The following TREH variants were observed in gnomAD, a reference collection of about 807,000 sequenced individuals.
TREH encodes the protein alpha,alpha-trehalose glucohydrolase.
A neutral mutation model predicts 80.5 loss-of-function variants in TREH; 69 were observed. That is an observed-to-expected ratio of 0.86 (90% CI 0.71 to 1.05). TREH has a LOEUF of 1.05. TREH is among the 50% of genes least tolerant of loss of function. TREH has a pLI of 0.00. For missense variants in TREH, 716 were observed against 718.8 expected, an observed-to-expected ratio of 1.00 and a Z score of 0.04; for synonymous variants, 309 against 293.5, an observed-to-expected ratio of 1.05 and a Z score of -0.54.
intron 8 of TREH, 85 bp from the exon 9 acceptor site, chr11:118,661,000 C>T: frequency 1.3e-6 from 2 of 1,545,908 alleles, no homozygotes; most frequent in Non-Finnish European, 1.8e-6. Flanking sequence ...CATCTTGATC[C>T]AGCTGCCCTT....
In TREH at chr11:118,667,402, G is replaced by A. The variant is rs151170621; in HGVS notation, c.90-3963C>T. ...TCAATATGTTGCCCAGGCTGGTCTT[G>A]AACTCCTGGGTTCAAGTGATCCTCC... On this transcript the variant is annotated intron_variant, in intron 1 of 14. Transcript: ENST00000264029. Among the ~76,000 whole-genome samples, 588 of 151,916 alleles carry A rather than the reference G, an allele frequency of 3.9e-3. 6 individuals are homozygous for A. Among genetic ancestry groups the A allele is most frequent in the African/African-American group, 0.014 (560 of 41,416 alleles).
chr11:118,670,442 T>C (rs1555146153), intron 1 of TREH, among the ~76,000 whole-genome samples: 2 of 152,338 alleles, frequency 1.3e-5, no homozygotes, highest in Non-Finnish European at 1.5e-5. Context: ...GCATTTGGGA[T>C]AGCATTTTTA....
chr11:118,666,321 G>A (rs1051124806), intron 1 of TREH, among the ~76,000 whole-genome samples: 2 of 152,170 alleles, frequency 1.3e-5, no homozygotes, highest in South Asian at 4.1e-4. Context: ...ATACAATGAG[G>A]GGAATCCAAT....
intron 11 of TREH, 40 bp from the exon 12 acceptor site, chr11:118,659,521 T>TGGACTGGGAGCCA (rs781917462): frequency 4.0e-6 from 6 of 1,502,142 alleles, no homozygotes; most frequent in South Asian, 1.3e-5. Flanking sequence ...TGGGTGGGGC[T>TGGACTGGGAGCCA]GGACTGGGAG....
intron 1 of TREH, among the ~76,000 whole-genome samples, chr11:118,677,501 G>A (rs1403342567): frequency 2.0e-5 from 3 of 152,162 alleles, no homozygotes; most frequent in Non-Finnish European, 4.4e-5. Flanking sequence ...TGAGGCAGGC[G>A]GATCACAAGG....
chr11:118,663,182 T>C lies in TREH; in HGVS notation c.205A>G (p.Thr69Ala), dbSNP rs1949344289. ...LSIAPEQVLQ[T>A]FTELSRDHNH... ...TGGTCCCTGGACAGCTCAGTGAAGG[T>C]CTGCAGGACTTGTTCTGGAGAGCAG... is the stretch of plus-strand genomic sequence containing the variant. Residue 69 changes from threonine to alanine, a missense_variant, in exon 3 of 15, where the codon ACC becomes GCC. Physicochemically the swap from Thr to Ala is moderately conservative, Grantham distance 58. Transcript: ENST00000264029. 6.2e-7 allele frequency: 1 copy of C among 1,610,980 alleles called. No homozygotes were observed. Among genetic ancestry groups the C allele is most frequent in the Admixed American group, 1.7e-5 (1 of 59,376 alleles).
At chr11:118,658,539 C>T in intron 14 of TREH, 98 bp from the exon 15 acceptor site, 6 of 1,526,136 alleles carry the variant, frequency 3.9e-6, no homozygotes, top group Non-Finnish European at 4.4e-6. Flanking sequence ...CCCTGCCTAA[C>T]CCCAGCGGTA....
rs782820882 is a variant in TREH at position 118,677,669 on chromosome 11, G to A, written c.89+1870C>T. 3.1e-4 allele frequency among the ~76,000 whole-genome samples: 47 copies of A among 152,282 alleles called. 1 individual carries two copies. Among genetic ancestry groups the A allele is most frequent in the Middle Eastern group, 6.8e-3 (2 of 294 alleles). Reference sequence around the variant, plus strand: ...GAACCCAGAAGGTGGAGGTTGCAGCGAGCCGAGATTGCACCACTGCACTCC... The same window carrying A: ...GAACCCAGAAGGTGGAGGTTGCAGCAAGCCGAGATTGCACCACTGCACTCC... On this transcript the variant is annotated intron_variant, in intron 1 of 14. Coordinates refer to ENST00000264029, the MANE Select transcript of TREH (RefSeq NM_007180.3).
At position 118,661,578 on chromosome 11, in the gene TREH, G is replaced by A. The variant is rs1199568513; in HGVS notation, c.617+59C>T. 8 of 1,612,826 alleles carry A rather than the reference G, an allele frequency of 5.0e-6. No individual in the cohort carries two copies. Among genetic ancestry groups the A allele is most frequent in the African/African-American group, 1.3e-5 (1 of 74,948 alleles). ...TGGCACCAAGGCAATCCAGCTGCAT[G>A]CCCGTGGCACACCTGCCTCTCCTCC... is the stretch of plus-strand genomic sequence containing the variant. On this transcript the variant is annotated intron_variant, in intron 6 of 14. Coordinates refer to ENST00000264029, the MANE Select transcript of TREH (RefSeq NM_007180.3). The surrounding 1 kb of genome is among the most constrained non-coding windows in gnomAD (Gnocchi z 4.2).
At position 118,659,473 on chromosome 11, in the gene TREH, C is replaced by A. The variant is rs369679930; in HGVS notation, c.1329G>T (p.Arg443=). Residue 443 remains arginine, a synonymous_variant, in exon 12 of 15, where the codon CGG becomes CGT. Transcript: ENST00000264029. ...DKALKYLEDN[R]ILTYQYGIPT... ...GGATCCCATACTGGTAAGTCAGGAT[C>A]CGGTTGTCCTAGAAGGTCCCAGACA... 1.3e-6 allele frequency: 2 copies of A among 1,594,262 alleles called. No individual in the cohort carries two copies. Among genetic ancestry groups the A allele is most frequent in the South Asian group, 2.3e-5 (2 of 87,948 alleles).
Position 118,658,380 on chromosome 11 carries a change from A to T in TREH, c.1661T>A (p.Leu554Gln). The T allele has an allele frequency of 6.2e-7, 1 of 1,609,396 alleles. No homozygotes were observed. Among genetic ancestry groups the T allele is most frequent in the Non-Finnish European group, 8.5e-7 (1 of 1,178,558 alleles). The change falls in exon 15 of 15, where the codon CTG (leucine) becomes CAG (glutamine). Residue 554 changes from leucine to glutamine, a missense_variant. Coordinates refer to ENST00000264029, the MANE Select transcript of TREH (RefSeq NM_007180.3). ...GAAAGCCAGCTTGGCCCCTGAGGTC[A>T]GCCGGTCACCATAGCGGTCCAGCAG... ...LMLLDRYGDRLTSGAKLAFLE... is the reference protein window; with the variant it reads ...LMLLDRYGDRQTSGAKLAFLE...
chr11:118,662,860 G>T (rs782717360), intron 4 of TREH, 21 bp downstream of exon 4: 26 of 1,559,700 alleles, frequency 1.7e-5, no homozygotes, highest in Non-Finnish European at 2.1e-5. Context: ...CAGGCCTTGG[G>T]CAGGCCCAGG....
rs1555145035 is a variant in TREH, at chr11:118,661,761, C to T, written c.525-32G>A. 6.2e-7 allele frequency: 1 copy of T among 1,608,628 alleles called. No homozygotes were observed. The highest frequency in any genetic ancestry group is 8.5e-7 in the Non-Finnish European group (1 of 1,175,478). On this transcript the variant is annotated intron_variant, in intron 5 of 14. Coordinates refer to ENST00000264029, the MANE Select transcript of TREH (RefSeq NM_007180.3). The surrounding 1 kb of genome is among the most constrained non-coding windows in gnomAD (Gnocchi z 4.2). ...AAGGGGCAGCTTAGGCACCACCCTG[C>T]TGCCTCCCTCTGCCCTGCACACCAG...
At chr11:118,660,804 C>A in intron 9 of TREH, 62 bp downstream of exon 9, 1 of 1,548,106 alleles carries the variant, frequency 6.5e-7, no homozygotes, top group Non-Finnish European at 8.7e-7. Context: ...GAGACCAGAG[C>A]CTGACACAGC....
At chr11:118,669,376 G>A (rs1949410380) in intron 1 of TREH, among the ~76,000 whole-genome samples, 1 of 152,220 alleles carries the variant, frequency 6.6e-6, no homozygotes, top group Non-Finnish European at 1.5e-5. Context: ...TCAATGTATT[G>A]AAGAGATATC....
At chr11:118,676,788 A>G (rs1949484724) in intron 1 of TREH, among the ~76,000 whole-genome samples, 1 of 152,070 alleles carries the variant, frequency 6.6e-6, no homozygotes, top group African/African-American at 2.4e-5. Flanking sequence ...AAAGAAAGAA[A>G]AAAACAACAA....
chr11:118,670,496 T>A (rs1246163710), intron 1 of TREH, among the ~76,000 whole-genome samples: 4 of 152,342 alleles, frequency 2.6e-5, no homozygotes, highest in African/African-American at 9.6e-5. Flanking sequence ...GCCGAAAATT[T>A]AGAGGAGCTA....
chr11:118,675,461 C>T (rs944676459), intron 1 of TREH, among the ~76,000 whole-genome samples: 2 of 152,140 alleles, frequency 1.3e-5, no homozygotes, highest in African/African-American at 4.8e-5. Flanking sequence ...GTTCCCATAA[C>T]CCTTTCAGAT....
At chr11:118,669,013 C>G (rs1949406765) in intron 1 of TREH, among the ~76,000 whole-genome samples, 1 of 152,054 alleles carries the variant, frequency 6.6e-6, no homozygotes, top group Non-Finnish European at 1.5e-5. Flanking sequence ...AGACATTACT[C>G]AAAAGCAGAC....
Sources: gnomAD v4.1 joint callset for allele counts (sites outside exome capture counted in the v4.1 genomes callset) on GRCh38, gnomAD v4.1.1 for gene constraint, Gnocchi (gnomAD v3.1) non-coding constraint, MANE v1.5 for transcripts, NCBI Gene and HGNC (gene_info 2026-07-23, HGNC 2026-07-21) for gene names.